The following CHRM5 variants were observed in gnomAD, a reference collection of about 807,000 sequenced individuals.
CHRM5 encodes muscarinic acetylcholine receptor M5.
In CHRM5, 18 loss-of-function variants were observed where a neutral mutation model predicts 39.0. The ratio of observed to expected loss-of-function variants is 0.46; its 90% CI spans 0.32 to 0.68. The LOEUF is 0.68. Ranked by LOEUF, CHRM5 falls within the 30% of genes least tolerant of loss-of-function variation. The pLI is 0.04. For missense variants in CHRM5, 515 were observed against 651.1 expected (o/e 0.79, Z 2.28); for synonymous variants, 241 against 246.3 (o/e 0.98, Z 0.20).
chr15:34,009,362 A>G (rs1395949202), intron 1 of CHRM5, among the ~76,000 whole-genome samples: 1 of 152,236 alleles, frequency 6.6e-6, no homozygotes, highest in Non-Finnish European at 1.5e-5. Context: ...TAACTATAAA[A>G]TATCACATAA....
chr15:33,970,231 T>C (rs562540062), intron 1 of CHRM5, among the ~76,000 whole-genome samples: 1 of 152,080 alleles, frequency 6.6e-6, no homozygotes, highest in East Asian at 1.9e-4. Flanking sequence ...CACTGAATTC[T>C]TTCCTTTTTT....
At chr15:33,995,326 TAAAA>T (rs891189177) in intron 1 of CHRM5, among the ~76,000 whole-genome samples, 1 of 152,068 alleles carries the variant, frequency 6.6e-6, no homozygotes, top group African/African-American at 2.4e-5. Context: ...AAAATACAAA[TAAAA>T]AATAATACAG....
At chr15:34,059,114 C>G (rs1900252863) in intron 2 of CHRM5, among the ~76,000 whole-genome samples, 1 of 152,066 alleles carries the variant, frequency 6.6e-6, no homozygotes, top group East Asian at 1.9e-4. Flanking sequence ...CCAGGCTGGT[C>G]TCGAATTCCT....
At chr15:34,049,833 C>G (rs1380875767) in intron 2 of CHRM5, among the ~76,000 whole-genome samples, 1 of 151,600 alleles carries the variant, frequency 6.6e-6, no homozygotes, top group Non-Finnish European at 1.5e-5. Flanking sequence ...AACAGCAGGC[C>G]TCTTGGTGGA....
At position 34,055,235 on chromosome 15, in the gene CHRM5, G is replaced by A. The variant is rs374168315; in HGVS notation, c.-75-7408G>A. Among the ~76,000 whole-genome samples, 34 of 149,532 alleles carry A rather than the reference G, an allele frequency of 2.3e-4. 1 individual carries two copies. In the East Asian group the frequency reaches 5.0e-3, roughly 22 times the overall value. ...TAAACAAGGCCAGGCCCGGTAGCTC[G>A]CACCTGTAATCCCAGCATTTGGGAG... On this transcript the variant is annotated intron_variant, in intron 2 of 2. Transcript: ENST00000383263.
intron 1 of CHRM5, chr15:33,992,005 T>A (rs1270844083): frequency 1.3e-5 from 2 of 152,238 alleles, no homozygotes; most frequent in African/African-American, 4.8e-5. Context: ...AAACAAAGAA[T>A]TGCTTCAAAA....
intron 1 of CHRM5, among the ~76,000 whole-genome samples, chr15:33,993,708 C>T (rs1426255126): frequency 6.6e-6 from 1 of 152,184 alleles, no homozygotes; most frequent in Non-Finnish European, 1.5e-5. Flanking sequence ...GCCAACACCA[C>T]ACCTGCTACC....
chr15:34,062,554 C>CA (rs10632153), intron 2 of CHRM5, 89 bp from the exon 3 acceptor site: 50,683 of 406,034 alleles, frequency 0.12, 1,695 homozygotes, highest in African/African-American at 0.3. Flanking sequence ...GATTCTGTCT[C>CA]AAAAAAAAAA....
At chr15:33,976,218 C>T (rs536051361) in intron 1 of CHRM5, among the ~76,000 whole-genome samples, 33 of 152,142 alleles carry the variant, frequency 2.2e-4, no homozygotes, top group African/African-American at 8.0e-4. Context: ...TTATGACATA[C>T]TATTTATATT....
intron 1 of CHRM5, among the ~76,000 whole-genome samples, chr15:33,986,410 A>G (rs948983998): frequency 2.0e-5 from 3 of 152,014 alleles, no homozygotes; most frequent in African/African-American, 7.2e-5. Context: ...CGCCCGGCCC[A>G]CTGTAAATTT....
rs1897340741 is a variant in CHRM5 at position 34,006,324 on chromosome 15, A to AG, written c.-408+37174_-408+37175insG. 2.0e-5 allele frequency among the ~76,000 whole-genome samples: 3 copies of AG among 151,966 alleles called. No individual in the cohort carries two copies. In the South Asian group the frequency reaches 6.3e-4, roughly 32 times the overall value. On this transcript the variant is annotated intron_variant, in intron 1 of 2. Coordinates refer to ENST00000383263, the MANE Select transcript of CHRM5 (RefSeq NM_012125.4). ...AGACTCCGTCTCAAAAAAAAAAAAA[A>AG]CAGCCTTGTAACTGATGAGAATTTG...
chr15:34,003,001 T>A, intron 1 of CHRM5: 1 of 1,575,570 alleles, frequency 6.3e-7, no homozygotes, highest in African/African-American at 1.4e-5. Context: ...TTCAGAGCAC[T>A]AAACAGTATG....
chr15:33,989,953 C>A (rs113381406), intron 1 of CHRM5, among the ~76,000 whole-genome samples: 35 of 151,300 alleles, frequency 2.3e-4, no homozygotes, highest in Admixed American at 6.6e-5. Flanking sequence ...CCTCTAATCC[C>A]AGCACTTTGG....
chr15:34,060,081 A>C (rs1417186875), intron 2 of CHRM5, among the ~76,000 whole-genome samples: 1 of 152,216 alleles, frequency 6.6e-6, no homozygotes, highest in Non-Finnish European at 1.5e-5. Context: ...ATAATCTGTG[A>C]TGGCATTTGC....
At position 34,063,876 on chromosome 15, in the gene CHRM5, G is replaced by T. The variant is rs143713868; in HGVS notation, c.1159G>T (p.Ala387Ser). 9.3e-6 allele frequency: 15 copies of T among 1,614,080 alleles called. No individual in the cohort carries two copies. The African/African-American group carries it at 1.9e-4, about 20-fold the overall frequency. Reference protein sequence around the residue: ...VAYKFRLVVKADGNQETNNGC... With the variant: ...VAYKFRLVVKSDGNQETNNGC... ...CTATAAGTTCCGATTGGTGGTAAAA[G>T]CTGACGGGAACCAGGAGACCAACAA... Residue 387 changes from alanine to serine, a missense_variant, in exon 3 of 3, where the codon GCT becomes TCT. Coordinates refer to ENST00000383263, the MANE Select transcript of CHRM5 (RefSeq NM_012125.4). This position sits in a 1 kb window ranked among gnomAD's most constrained non-coding sequence, Gnocchi z 4.1.
chr15:33,977,630 G>A (rs1446732813), intron 1 of CHRM5, among the ~76,000 whole-genome samples: 1 of 152,126 alleles, frequency 6.6e-6, no homozygotes, highest in Non-Finnish European at 1.5e-5. Flanking sequence ...ACAGCCCTAT[G>A]TCTATGTCTG....
chr15:34,010,413 A>G (rs2140662020), intron 1 of CHRM5, among the ~76,000 whole-genome samples: 1 of 152,338 alleles, frequency 6.6e-6, no homozygotes, highest in Middle Eastern at 3.4e-3. Context: ...GTAAAATTTC[A>G]GAAGTTATTA....
At chr15:34,003,258 C>A in intron 1 of CHRM5, 1 of 1,563,246 alleles carries the variant, frequency 6.4e-7, no homozygotes. Flanking sequence ...AAATCCTGAC[C>A]TTAGTAGACT....
chr15:34,030,548 G>C (rs1335088544), intron 1 of CHRM5, among the ~76,000 whole-genome samples: 1 of 151,926 alleles, frequency 6.6e-6, no homozygotes, highest in Non-Finnish European at 1.5e-5. Context: ...GGGTTTCATT[G>C]TGTTAGGCTG....
Sources: gnomAD v4.1 joint callset for allele counts (sites outside exome capture counted in the v4.1 genomes callset) on GRCh38, gnomAD v4.1.1 for gene constraint, Gnocchi (gnomAD v3.1) non-coding constraint, MANE v1.5 for transcripts, NCBI Gene and HGNC (gene_info 2026-07-23, HGNC 2026-07-21) for gene names.